ARID1A: variants seen among roughly 807,000 people sequenced by gnomAD.
ARID1A encodes the protein AT-rich interaction domain 1A, also known as AT-rich interactive domain-containing protein 1A.
ARID1A carries 20 observed loss-of-function variants against 212.6 expected under a neutral mutation model. That is an observed-to-expected ratio of 0.09 (90% CI 0.07 to 0.14). ARID1A has a LOEUF of 0.14. Among genes scored for constraint, ARID1A ranks in the 10% least tolerant of loss-of-function variants. The pLI is 1.00. For missense variants in ARID1A, 2,587 were observed against 3,059.0 expected (o/e 0.85, Z 3.64); for synonymous variants, 1,376 against 1,222.1 (o/e 1.13, Z -2.63).
chr1:26,728,778 T>C (rs1055344495), intron 1 of ARID1A: 2 of 152,124 alleles, frequency 1.3e-5, no homozygotes, highest in Non-Finnish European at 2.9e-5. Context: ...TAGATATAGG[T>C]AGATATTTCT....
intron 8 of ARID1A, chr1:26,766,017 G>T (rs2124078216): frequency 1.7e-6 from 1 of 592,236 alleles, no homozygotes; most frequent in Non-Finnish European, 2.8e-6. Context: ...ATTCCAGCCA[G>T]GGTGCCAGAG....
intron 1 of ARID1A, among the ~76,000 whole-genome samples, chr1:26,718,645 A>T (rs1307626234): frequency 6.6e-6 from 1 of 152,196 alleles, no homozygotes; most frequent in African/African-American, 2.4e-5. Context: ...ATTACTTATA[A>T]TACCTCATAC....
In ARID1A at chr1:26,780,026, G is replaced by T. The variant is rs2081176495; in HGVS notation, c.6128G>T (p.Cys2043Phe). 6.2e-7 allele frequency: 1 copy of T among 1,614,178 alleles called. No homozygotes were observed. Among genetic ancestry groups the T allele is most frequent in the Non-Finnish European group, 8.5e-7 (1 of 1,180,036 alleles). Residue 2043 changes from cysteine to phenylalanine, a missense_variant, in exon 20 of 20, where the codon TGC (cysteine) becomes TTC (phenylalanine). Coordinates refer to ENST00000324856, the MANE Select transcript of ARID1A (RefSeq NM_006015.6). This position sits in a 1 kb window ranked among gnomAD's most constrained non-coding sequence, Gnocchi z 7.2. Reference protein sequence around the residue: ...KEEEQDQGVSCNKVEWWWDCL... With the variant: ...KEEEQDQGVSFNKVEWWWDCL... ...GAGGAACAGGACCAAGGGGTGAGCT[G>T]CAACAAAGTGGAGTGGTGGTGGGAC...
At chr1:26,761,843 A>G (rs977871276) in intron 6 of ARID1A, among the ~76,000 whole-genome samples, 1 of 152,050 alleles carries the variant, frequency 6.6e-6, no homozygotes, top group African/African-American at 2.4e-5. Context: ...ATTTTGCCTC[A>G]TTTGGTCGGC....
chr1:26,745,680 T>C (rs2080829657), intron 4 of ARID1A, among the ~76,000 whole-genome samples: 2 of 152,174 alleles, frequency 1.3e-5, no homozygotes, highest in African/African-American at 4.8e-5. Context: ...CATTGGATTC[T>C]CTGACTGCTA....
At chr1:26,752,404 T>TA (rs1446470577) in intron 4 of ARID1A, among the ~76,000 whole-genome samples, 2 of 152,210 alleles carry the variant, frequency 1.3e-5, no homozygotes, top group Non-Finnish European at 2.9e-5. Flanking sequence ...TTCTTACATT[T>TA]ATAGCAAAGA....
At chr1:26,777,553 T>G (rs1305175656) in intron 19 of ARID1A, among the ~76,000 whole-genome samples, 1 of 152,044 alleles carries the variant, frequency 6.6e-6, no homozygotes, top group Non-Finnish European at 1.5e-5. Context: ...CTTTATTTTT[T>G]TATAGAGGCA....
At chr1:26,766,153 G>T (rs974964026) in intron 8 of ARID1A, 68 bp from the exon 9 acceptor site, 1 of 1,533,308 alleles carries the variant, frequency 6.5e-7, no homozygotes, top group East Asian at 2.3e-5. Context: ...GCACTATTTG[G>T]CTCCAGTTCA....
rs1450169402 is a variant in ARID1A at position 26,762,157 on chromosome 1, A to G, written c.2257A>G (p.Met753Val). 2 of 1,613,108 alleles carry G rather than the reference A, an allele frequency of 1.2e-6. No homozygotes were observed. Among genetic ancestry groups the G allele is most frequent in the South Asian group, 2.2e-5 (2 of 90,960 alleles). The change falls in exon 7 of 20, where the codon ATG (methionine) becomes GTG (valine). Residue 753 changes from methionine to valine, a missense_variant. Physicochemically the swap from Met to Val is conservative, Grantham distance 21 (BLOSUM62 1). This residue lies in a region of ARID1A where 674 missense variants were observed against 813.4 expected (regional missense o/e 0.83). Coordinates refer to ENST00000324856, the MANE Select transcript of ARID1A (RefSeq NM_006015.6). ...QSSIAQDRGY[M>V]QRNPQMPQYS... The stretch of plus-strand genomic sequence containing the variant: ...TGGATGCTACCCACAAATAGGTTAT[A>G]TGCAGAGGAACCCCCAGATGCCCCA...
intron 11 of ARID1A, chr1:26,770,829 G>A (rs550095210): frequency 1.1e-4 from 42 of 396,700 alleles, no homozygotes; most frequent in Non-Finnish European, 1.6e-4. Context: ...TTTTAGCAGC[G>A]TACTAAAAAA....
At chr1:26,729,013 C>T (rs1215379280) in intron 1 of ARID1A, 1 of 152,090 alleles carries the variant, frequency 6.6e-6, no homozygotes, top group South Asian at 2.1e-4. Context: ...ATCTTCTTGT[C>T]TCTCAAAGAG....
intron 4 of ARID1A, chr1:26,753,335 C>G (rs964888712): frequency 6.6e-6 from 1 of 152,260 alleles, no homozygotes; most frequent in Non-Finnish European, 1.5e-5. Flanking sequence ...GCCTGACAAA[C>G]TCATGCTGGC....
intron 1 of ARID1A, chr1:26,729,265 A>G: frequency 4.6e-6 from 1 of 217,222 alleles, no homozygotes; most frequent in Non-Finnish European, 9.4e-6. Context: ...GTGTATTTGA[A>G]TTCCCCGTCA....
chr1:26,737,186 G>C (rs2080742312), intron 4 of ARID1A, among the ~76,000 whole-genome samples: 1 of 151,984 alleles, frequency 6.6e-6, no homozygotes, highest in African/African-American at 2.4e-5. Flanking sequence ...TTTATTCTCG[G>C]CTCACTGCAG....
Position 26,743,073 on chromosome 1 carries a change from A to G in ARID1A, c.1920+10281A>G, listed in dbSNP as rs1037066084. Among the ~76,000 whole-genome samples the G allele has an allele frequency of 2.6e-5, 4 of 152,134 alleles. No homozygotes were observed. In the South Asian group the frequency reaches 6.2e-4, roughly 24 times the overall value. ...TAATCTCTGAGTGTGGGAGACCACC[A>G]CCAGTTGTTTCGTGCGTGTTTTGGG... On this transcript the variant is annotated intron_variant, in intron 4 of 19. Transcript: ENST00000324856.
At position 26,774,711 on chromosome 1, in the gene ARID1A, G is replaced by T; in HGVS notation, c.4484G>T (p.Gly1495Val). 6.2e-7 allele frequency: 1 copy of T among 1,614,246 alleles called. No homozygotes were observed. Among genetic ancestry groups the T allele is most frequent in the Non-Finnish European group, 8.5e-7 (1 of 1,180,044 alleles). The change falls in exon 18 of 20, where the codon GGC (glycine) becomes GTC (valine). Residue 1495 changes from glycine to valine, a missense_variant. This residue lies in a region of ARID1A where 890 missense variants were observed against 1,098.2 expected (regional missense o/e 0.81). Transcript: ENST00000324856. This position sits in a 1 kb window ranked among gnomAD's most constrained non-coding sequence, Gnocchi z 5.6. ...IQASAEVAQQGTMWQGRNDMT... is the reference protein window; with the variant it reads ...IQASAEVAQQVTMWQGRNDMT... ...GCATCAGCTGAGGTTGCTCAGCAAG[G>T]CACCATGTGGCAGGGGCGTAATGAC... is the stretch of plus-strand genomic sequence containing the variant.
rs2081116997 is a variant in ARID1A, at chr1:26,774,705, A to C, written c.4478A>C (p.Gln1493Pro). 6.2e-7 allele frequency: 1 copy of C among 1,614,136 alleles called. No homozygotes were observed. Among genetic ancestry groups the C allele is most frequent in the African/African-American group, 1.3e-5 (1 of 74,944 alleles). ...ATACAGGCATCAGCTGAGGTTGCTC[A>C]GCAAGGCACCATGTGGCAGGGGCGT... is the stretch of plus-strand genomic sequence containing the variant. The part of the protein sequence containing the change: ...GPIQASAEVA[Q>P]QGTMWQGRND... The change falls in exon 18 of 20, where the codon CAG becomes CCG. Residue 1493 changes from glutamine to proline, a missense_variant. Physicochemically the swap from Gln to Pro is moderately conservative, Grantham distance 76. This residue lies in a region of ARID1A where 890 missense variants were observed against 1,098.2 expected (regional missense o/e 0.81). Transcript: ENST00000324856. This position sits in a 1 kb window ranked among gnomAD's most constrained non-coding sequence, Gnocchi z 5.6.
chr1:26,748,723 G>C (rs368667334), intron 4 of ARID1A, among the ~76,000 whole-genome samples: 32 of 151,804 alleles, frequency 2.1e-4, no homozygotes, highest in East Asian at 1.7e-3. Context: ...GAAGCCTTTG[G>C]GGGGCAGGGT....
rs1266901782 is a variant in ARID1A, at chr1:26,733,257, C to CTT, written c.1920+475_1920+476dup. On this transcript the variant is annotated intron_variant, in intron 4 of 19. Transcript: ENST00000324856. ...TTCTGGTGGTGATTTTGTGTGAATACTTTTTTTTTTTATTTTTGGTAGAGT... is the reference window on the plus strand; with the variant it reads ...TTCTGGTGGTGATTTTGTGTGAATACTTTTTTTTTTTTTATTTTTGGTAGAGT... Among the ~76,000 whole-genome samples the CTT allele has an allele frequency of 1.8e-3, 267 of 147,234 alleles. 1 individual carries two copies. The highest frequency in any genetic ancestry group is 2.9e-3 in the Non-Finnish European group (192 of 66,334).
Sources: gnomAD v4.1 joint callset for allele counts (sites outside exome capture counted in the v4.1 genomes callset) on GRCh38, gnomAD v4.1.1 for gene constraint, gnomAD v4.1.1 regional missense constraint, Gnocchi (gnomAD v3.1) non-coding constraint, MANE v1.5 for transcripts, NCBI Gene and HGNC (gene_info 2026-07-23, HGNC 2026-07-21) for gene names.